Variants in HADH observed in about 807,000 individuals in gnomAD.
HADH encodes the protein hydroxyacyl-coenzyme A dehydrogenase, mitochondrial.
HADH carries 24 observed loss-of-function variants against 32.2 expected under a neutral mutation model. The observed-to-expected ratio is 0.75, with a 90% CI of 0.54 to 1.05. HADH has a LOEUF of 1.05. Among genes scored for constraint, HADH ranks in the 50% least tolerant of loss-of-function variants. The pLI, the probability that HADH is intolerant of heterozygous loss-of-function variation, is 0.00. For missense variants in HADH, 350 were observed against 397.1 expected (o/e 0.88, Z 1.01); for synonymous variants, 139 against 152.5 (o/e 0.91, Z 0.65).
At chr4:108,020,401 T>C (rs2126232597) in intron 4 of HADH, among the ~76,000 whole-genome samples, 2 of 152,152 alleles carry the variant, frequency 1.3e-5, no homozygotes, top group Middle Eastern at 6.8e-3. Flanking sequence ...GCCTGGGAGG[T>C]TGAGGCTGCA....
chr4:108,022,195 GTGTGTA>G (rs201727355), intron 4 of HADH, among the ~76,000 whole-genome samples: 516 of 140,288 alleles, frequency 3.7e-3, no homozygotes, highest in South Asian at 6.5e-3. Context: ...GTGTATGTGT[GTGTGTA>G]TGTGTGTGTG....
intron 5 of HADH, chr4:108,027,267 CAG>C (rs1736098180): frequency 3.0e-6 from 1 of 334,314 alleles, no homozygotes; most frequent in Non-Finnish European, 5.8e-6. Context: ...GCTGTGTGTA[CAG>C]CATTTTATGT....
At chr4:108,020,755 G>C (rs947774932) in intron 4 of HADH, among the ~76,000 whole-genome samples, 2 of 152,192 alleles carry the variant, frequency 1.3e-5, no homozygotes, top group African/African-American at 2.4e-5. Flanking sequence ...CCTGCGAAGT[G>C]TGGGGGACGC....
intron 4 of HADH, among the ~76,000 whole-genome samples, chr4:108,020,915 T>A (rs1483318988): frequency 6.6e-6 from 1 of 152,196 alleles, no homozygotes; most frequent in Non-Finnish European, 1.5e-5. Context: ...TCACCACTAC[T>A]CAGCATAAGC....
In HADH at chr4:107,992,805, G is replaced by A. The variant is rs574356936; in HGVS notation, c.132+2741G>A. ...GGCATGTAATAAGAGTTCACAGAAA[G>A]TTAGCTGCCTTTATAATAATTATCT... On this transcript the variant is annotated intron_variant, in intron 1 of 7. Transcript: ENST00000309522. Among the ~76,000 whole-genome samples the A allele has an allele frequency of 7.2e-5, 11 of 152,300 alleles. No individual in the cohort carries two copies. In the East Asian group the frequency reaches 2.1e-3, roughly 29 times the overall value.
At chr4:108,027,392 A>C in intron 5 of HADH, 1 of 478,394 alleles carries the variant, frequency 2.1e-6, no homozygotes, top group Non-Finnish European at 3.8e-6. Context: ...ATTGAACCCA[A>C]ATCTGTCTCT....
chr4:108,014,958 C>T (rs1649767571), intron 3 of HADH, among the ~76,000 whole-genome samples: 2 of 152,164 alleles, frequency 1.3e-5, no homozygotes, highest in African/African-American at 4.8e-5. Context: ...CTTCAAAAGA[C>T]ATGATTTTAT....
chr4:108,002,998 G>T (rs1735166968), intron 1 of HADH, among the ~76,000 whole-genome samples: 1 of 151,890 alleles, frequency 6.6e-6, no homozygotes, highest in Non-Finnish European at 1.5e-5. Context: ...TATGAGGTGG[G>T]TACCTTTGTT....
intron 5 of HADH, chr4:108,027,396 T>C (rs750602822): frequency 5.1e-4 from 247 of 485,192 alleles, no homozygotes; most frequent in Non-Finnish European, 8.3e-4. Context: ...AACCCAAATC[T>C]GTCTCTCCCA....
chr4:108,008,327 T>C (rs1019439022), intron 1 of HADH, among the ~76,000 whole-genome samples: 1 of 152,196 alleles, frequency 6.6e-6, no homozygotes, highest in Non-Finnish European at 1.5e-5. Context: ...TTTTCATGCC[T>C]TGGTTCCCAG....
intron 1 of HADH, among the ~76,000 whole-genome samples, chr4:107,996,429 G>A (rs1419175953): frequency 6.6e-6 from 1 of 151,988 alleles, no homozygotes; most frequent in Non-Finnish European, 1.5e-5. Flanking sequence ...TCTGGGAGAG[G>A]TTATCTGGGT....
In HADH at chr4:108,034,662, T is replaced by A. The variant is rs3822294; in HGVS notation, c.*305T>A. The A allele has an allele frequency of 3.4e-4, 125 of 367,762 alleles. 2 individuals are homozygous for A. The East Asian group carries it at 8.7e-3, about 26-fold the overall frequency. The allele number at this position is 367,762 out of a possible 1,614,324, so 22.8% of individuals were successfully genotyped here. On this transcript the variant is annotated 3_prime_UTR_variant, in exon 8 of 8. Coordinates refer to ENST00000309522, the MANE Select transcript of HADH (RefSeq NM_005327.7). ...CTTGTCATTTTTGTGAAGAATTGCC[T>A]AGATTCCTTCTCTCATCAACGGGAA...
intron 2 of HADH, among the ~76,000 whole-genome samples, chr4:108,010,693 A>G (rs137995935): frequency 6.6e-6 from 1 of 152,262 alleles, no homozygotes; most frequent in African/African-American, 2.4e-5. Context: ...AAAATTTGCC[A>G]TTTTAAACTA....
chr4:108,034,614 T>A lies in HADH; in HGVS notation c.*257T>A. 1 of 411,770 alleles carries A rather than the reference T, an allele frequency of 2.4e-6. No individual in the cohort carries two copies. The highest frequency in any genetic ancestry group is 4.6e-6 in the Non-Finnish European group (1 of 216,452). The allele number at this position is 411,770 out of a possible 1,614,324, so 25.5% of individuals were successfully genotyped here. ...AAACAGCTTTACACCCTTGGTGCCT[T>A]GGAGCAAACATGTTTTTTGAACCTT... On this transcript the variant is annotated 3_prime_UTR_variant, in exon 8 of 8. Transcript: ENST00000309522.
intron 6 of HADH, chr4:108,032,932 A>G: frequency 2.1e-6 from 1 of 486,158 alleles, no homozygotes; most frequent in Non-Finnish European, 3.7e-6. Context: ...CAGCGAGCCA[A>G]GATTGTGCCA....
At chr4:108,008,141 T>G (rs1735351806) in intron 1 of HADH, among the ~76,000 whole-genome samples, 1 of 152,208 alleles carries the variant, frequency 6.6e-6, no homozygotes, top group Non-Finnish European at 1.5e-5. Flanking sequence ...TGGTTTGGAT[T>G]GATGAGGGTT....
At chr4:108,000,211 G>A (rs221330) in intron 1 of HADH, among the ~76,000 whole-genome samples, 37,722 of 152,162 alleles carry the variant, frequency 0.25, 5,315 homozygotes, top group South Asian at 0.38. Flanking sequence ...TGTTTAGGGT[G>A]TTGGATATCC....
chr4:107,990,767 G>C (rs1486682510), intron 1 of HADH, among the ~76,000 whole-genome samples: 1 of 21,092 alleles, frequency 4.7e-5, no homozygotes, highest in Non-Finnish European at 8.9e-5. Flanking sequence ...TTTTTTTTTT[G>C]AGTCGGAGTC....
Position 108,023,511 on chromosome 4 carries a change from A to T in HADH, c.584A>T (p.Glu195Val). ...CCAATGACCAGCCAGAAGACATTTG[A>T]ATCTTTGGTAGACTTTAGCAAAGCC... ...KTPMTSQKTF[E>V]SLVDFSKALG... The change falls in exon 5 of 8, where the codon GAA becomes GTA. Residue 195 changes from glutamate to valine, a missense_variant. Physicochemically the swap from Glu to Val is moderately radical, Grantham distance 121. Transcript: ENST00000309522. 1 of 1,612,604 alleles carries T rather than the reference A, an allele frequency of 6.2e-7. No homozygotes were observed. The highest frequency in any genetic ancestry group is 1.1e-5 in the South Asian group (1 of 91,048).
Sources: gnomAD v4.1 joint callset for allele counts (sites outside exome capture counted in the v4.1 genomes callset) on GRCh38, gnomAD v4.1.1 for gene constraint, MANE v1.5 for transcripts, NCBI Gene and HGNC (gene_info 2026-07-23, HGNC 2026-07-21) for gene names.